Variants in NAA15 observed in about 807,000 individuals in gnomAD.
The protein encoded by NAA15 is N-alpha-acetyltransferase 15, NatA auxiliary subunit.
NAA15 carries 34 observed loss-of-function variants against 114.0 expected under a neutral mutation model. The observed-to-expected ratio is 0.30, with a 90% CI of 0.23 to 0.40. The LOEUF is 0.40. NAA15 is among the 10% of genes least tolerant of loss of function. NAA15 has a pLI of 1.00. For missense variants in NAA15, 658 were observed against 1,004.5 expected, an observed-to-expected ratio of 0.66 and a Z score of 4.66; for synonymous variants, 340 against 338.0, an observed-to-expected ratio of 1.01 and a Z score of -0.06.
intron 1 of NAA15, among the ~76,000 whole-genome samples, chr4:139,309,696 T>G (rs760641991): frequency 5.3e-5 from 8 of 152,120 alleles, no homozygotes; most frequent in Non-Finnish European, 1.2e-4. Context: ...GTTAGAAACC[T>G]GAAATGTTTT....
intron 13 of NAA15, 144 bp downstream of exon 13, chr4:139,360,772 C>A: frequency 1.5e-6 from 1 of 672,616 alleles, no homozygotes; most frequent in Non-Finnish European, 2.2e-6. Flanking sequence ...AGTTTTCATA[C>A]TGGAAATATA....
intron 15 of NAA15, among the ~76,000 whole-genome samples, chr4:139,372,967 G>A (rs1748484482): frequency 6.6e-6 from 1 of 151,966 alleles, no homozygotes; most frequent in African/African-American, 2.4e-5. Flanking sequence ...GCTCACTGCA[G>A]CCTCTGCCTC....
intron 1 of NAA15, among the ~76,000 whole-genome samples, chr4:139,307,308 A>G (rs550414672): frequency 3.0e-4 from 46 of 152,330 alleles, no homozygotes; most frequent in Non-Finnish European, 5.9e-4. Flanking sequence ...TAACTCTATC[A>G]CACAGTCTGG....
At chr4:139,348,038 C>CAAA in intron 6 of NAA15, among the ~76,000 whole-genome samples, 1 of 62,772 alleles carries the variant, frequency 1.6e-5, no homozygotes, top group Non-Finnish European at 3.5e-5. Flanking sequence ...GACTCCGTCT[C>CAAA]AAAAAAAAAA....
intron 7 of NAA15, among the ~76,000 whole-genome samples, chr4:139,349,829 C>T (rs1195998953): frequency 4.6e-5 from 7 of 151,692 alleles, no homozygotes; most frequent in African/African-American, 1.5e-4. Context: ...TACTAAAATA[C>T]AAAAAATTAG....
At position 139,333,778 on chromosome 4, in the gene NAA15, T is replaced by C. The variant is rs1317567183; in HGVS notation, c.55-396T>C. ...AGCCAGGTATGGTGGCGTGTGCCTGTAGTCCCAGCTACTTGGGAGGCTGAG... is the reference window on the plus strand; with the variant it reads ...AGCCAGGTATGGTGGCGTGTGCCTGCAGTCCCAGCTACTTGGGAGGCTGAG... On this transcript the variant is annotated intron_variant, in intron 1 of 19. Coordinates refer to ENST00000296543, the MANE Select transcript of NAA15 (RefSeq NM_057175.5). 3.3e-5 allele frequency among the ~76,000 whole-genome samples: 5 copies of C among 152,146 alleles called. No individual in the cohort carries two copies. In the East Asian group the frequency reaches 9.6e-4, roughly 29 times the overall value.
chr4:139,386,256 G>C (rs1748907751), intron 19 of NAA15, 26 bp downstream of exon 19: 1 of 1,303,376 alleles, frequency 7.7e-7, no homozygotes, highest in Non-Finnish European at 1.1e-6. Context: ...TAATCTCTCT[G>C]TAAGAATACT....
intron 1 of NAA15, among the ~76,000 whole-genome samples, chr4:139,321,474 T>TG (rs1746606216): frequency 2.7e-5 from 4 of 147,308 alleles, no homozygotes; most frequent in African/African-American, 1.0e-4. Context: ...CTTATTTGTT[T>TG]TTTTTTTTTT....
At chr4:139,340,109 C>T (rs1029623234) in intron 3 of NAA15, among the ~76,000 whole-genome samples, 30 of 152,146 alleles carry the variant, frequency 2.0e-4, no homozygotes, top group African/African-American at 7.2e-4. Flanking sequence ...ATTGCTTGGG[C>T]TCAGGAGTTT....
At chr4:139,325,950 G>A (rs1746787908) in intron 1 of NAA15, among the ~76,000 whole-genome samples, 1 of 152,180 alleles carries the variant, frequency 6.6e-6, no homozygotes, top group South Asian at 2.1e-4. Context: ...ATGCTAGTTT[G>A]AATTATATTT....
chr4:139,314,790 G>C (rs907294293), intron 1 of NAA15, among the ~76,000 whole-genome samples: 1 of 151,754 alleles, frequency 6.6e-6, no homozygotes, highest in African/African-American at 2.4e-5. Flanking sequence ...CAATTCTCCT[G>C]CCTCAGCCTC....
In NAA15 at chr4:139,359,755, A is replaced by G; in HGVS notation, c.1270A>G (p.Ile424Val). 6.2e-7 allele frequency: 1 copy of G among 1,602,708 alleles called. No individual in the cohort carries two copies. The highest frequency in any genetic ancestry group is 8.5e-7 in the Non-Finnish European group (1 of 1,177,618). Residue 424 changes from isoleucine to valine, a missense_variant, in exon 12 of 20, where the codon ATT becomes GTT. Physicochemically the swap from Ile to Val is conservative, Grantham distance 29 (BLOSUM62 3). Transcript: ENST00000296543. ...KAKIYKHAGN[I>V]KEAARWMDEA... ...TGTACCTTATAAGCATGCTGGAAATATTAAAGAAGCTGCAAGGTGGATGGA... is the reference window on the plus strand; with the variant it reads ...TGTACCTTATAAGCATGCTGGAAATGTTAAAGAAGCTGCAAGGTGGATGGA...
At chr4:139,330,213 A>G (rs953540983) in intron 1 of NAA15, among the ~76,000 whole-genome samples, 1 of 152,210 alleles carries the variant, frequency 6.6e-6, no homozygotes, top group Non-Finnish European at 1.5e-5. Flanking sequence ...CATAAACAGC[A>G]AGAAATCAAG....
chr4:139,366,217 G>T, intron 14 of NAA15, among the ~76,000 whole-genome samples: 1 of 151,878 alleles, frequency 6.6e-6, no homozygotes, highest in Non-Finnish European at 1.5e-5. Flanking sequence ...TCTGACTCAG[G>T]GTCTCTTAGG....
chr4:139,386,314 G>T, intron 19 of NAA15, 84 bp downstream of exon 19: 2 of 673,404 alleles, frequency 3.0e-6, no homozygotes, highest in East Asian at 2.9e-5. Flanking sequence ...TATACACACT[G>T]TTTTTTAAAT....
intron 1 of NAA15, among the ~76,000 whole-genome samples, chr4:139,313,857 T>TATACA (rs1746298728): frequency 6.6e-6 from 1 of 151,856 alleles, no homozygotes; most frequent in East Asian, 1.9e-4. Flanking sequence ...TATTTCTAAA[T>TATACA]GCTTTATATA....
Position 139,336,938 on chromosome 4 carries a change from T to C in NAA15, c.230T>C (p.Leu77Ser). ...GTTCGTAGAGGTTTGAGAAATGACT[T>C]GAAGAGTCATGTGTGTATCCTTTTT... is the stretch of plus-strand genomic sequence containing the variant. ...ELVRRGLRND[L>S]KSHVCWHVYG... Residue 77 changes from leucine (L) to serine (S), a missense_variant, in exon 3 of 20, where the codon TTG (leucine) becomes TCG (serine). Physicochemically the swap from Leu to Ser is moderately radical, Grantham distance 145. Transcript: ENST00000296543. 6.3e-7 allele frequency: 1 copy of C among 1,593,282 alleles called. No individual in the cohort carries two copies. Among genetic ancestry groups the C allele is most frequent in the Non-Finnish European group, 8.6e-7 (1 of 1,168,546 alleles).
intron 1 of NAA15, among the ~76,000 whole-genome samples, chr4:139,305,751 C>G (rs1745991806): frequency 6.6e-6 from 1 of 152,086 alleles, no homozygotes; most frequent in South Asian, 2.1e-4. Flanking sequence ...TCAGGCTCGT[C>G]TCAAACTCCC....
chr4:139,351,320 C>A, intron 8 of NAA15, 34 bp downstream of exon 8: 2 of 1,420,830 alleles, frequency 1.4e-6, no homozygotes, highest in Non-Finnish European at 2.0e-6. Context: ...AATAGAAATG[C>A]TTTTATGATT....
Sources: gnomAD v4.1 joint callset for allele counts (sites outside exome capture counted in the v4.1 genomes callset) on GRCh38, gnomAD v4.1.1 for gene constraint, MANE v1.5 for transcripts, NCBI Gene and HGNC (gene_info 2026-07-23, HGNC 2026-07-21) for gene names.